RBFOX1: variants seen among roughly 807,000 people sequenced by gnomAD.
RBFOX1 encodes the protein RNA binding protein fox-1 homolog 1.
Under a neutral mutation model 57.7 loss-of-function variants are expected in RBFOX1, and 8 were observed. That is an observed-to-expected ratio of 0.14 (90% confidence interval 0.08 to 0.25). The LOEUF (loss-of-function observed/expected upper bound fraction) is 0.25, where lower values mean the gene tolerates loss of function less well. Ranked by LOEUF, RBFOX1 falls within the 10% of genes least tolerant of loss-of-function variation. The probability of loss-of-function intolerance (pLI) is 1.00; values close to 1 mark genes in which losing one functional copy is unlikely to be tolerated. For synonymous variants in RBFOX1, 326 were observed against 222.4 expected (o/e 1.47, Z -4.15); for missense variants, 611 against 548.5 (o/e 1.11, Z -1.14).
chr16:6,190,763 G>T (rs1211368605), intron 1 of RBFOX1, among the ~76,000 whole-genome samples: 1 of 152,098 alleles, frequency 6.6e-6, no homozygotes, highest in Non-Finnish European at 1.5e-5. Context: ...AGCAAAATAT[G>T]GTGCTCAGAA....
At chr16:6,279,074 G>A (rs891606497) in intron 1 of RBFOX1, among the ~76,000 whole-genome samples, 3 of 152,082 alleles carry the variant, frequency 2.0e-5, no homozygotes, top group Non-Finnish European at 2.9e-5. Flanking sequence ...CAGGTGGGGG[G>A]AAATTGATTT....
chr16:7,041,524 G>T (rs1028665327), intron 3 of RBFOX1, among the ~76,000 whole-genome samples: 1 of 152,204 alleles, frequency 6.6e-6, no homozygotes, highest in African/African-American at 2.4e-5. Flanking sequence ...CTCATTCGCC[G>T]TTGCACTCTG....
At chr16:7,555,812 A>G (rs1177247441) in intron 5 of RBFOX1, among the ~76,000 whole-genome samples, 1 of 152,124 alleles carries the variant, frequency 6.6e-6, no homozygotes, top group Non-Finnish European at 1.5e-5. Flanking sequence ...TGAAAATGTC[A>G]AGCCTACCTC....
chr16:6,076,541 C>T (rs908077566), intron 1 of RBFOX1, among the ~76,000 whole-genome samples: 1 of 152,070 alleles, frequency 6.6e-6, no homozygotes. Context: ...GATCATAGCT[C>T]ACTGCAGCCT....
At chr16:7,111,027 G>A (rs1307872291) in intron 4 of RBFOX1, among the ~76,000 whole-genome samples, 6 of 152,030 alleles carry the variant, frequency 3.9e-5, no homozygotes, top group African/African-American at 1.4e-4. Flanking sequence ...AGAAGGGCAT[G>A]GCACACACAC....
chr16:6,455,130 G>A (rs143130247), intron 2 of RBFOX1, among the ~76,000 whole-genome samples: 1,828 of 151,074 alleles, frequency 0.012, 41 homozygotes, highest in African/African-American at 0.043. Flanking sequence ...CCTGACCTCA[G>A]GATCCACCCG....
At chr16:7,456,938 C>T (rs530505318) in intron 4 of RBFOX1, among the ~76,000 whole-genome samples, 5 of 152,002 alleles carry the variant, frequency 3.3e-5, no homozygotes, top group East Asian at 1.9e-4. Flanking sequence ...GTTGCCCAGG[C>T]TGAGTGCAAT....
chr16:7,707,758 C>G (rs757213288), intron 14 of RBFOX1, among the ~76,000 whole-genome samples: 14 of 152,168 alleles, frequency 9.2e-5, no homozygotes, highest in Non-Finnish European at 1.8e-4. Context: ...CTAGGTGGAA[C>G]CTGCTGTAGC....
At chr16:5,917,728 G>A (rs1224709040) in intron 4 of RBFOX1, among the ~76,000 whole-genome samples, 1 of 152,168 alleles carries the variant, frequency 6.6e-6, no homozygotes, top group Non-Finnish European at 1.5e-5. Flanking sequence ...CCTCTCCCTT[G>A]CTTCACCACG....
Position 7,581,625 on chromosome 16 carries a change from T to C in RBFOX1, c.414+1705T>C, listed in dbSNP as rs147595797. Among the ~76,000 whole-genome samples, 352 of 152,268 alleles carry C rather than the reference T, an allele frequency of 2.3e-3. 2 individuals carry two copies. Among genetic ancestry groups the C allele is most frequent in the African/African-American group, 8.0e-3 (331 of 41,560 alleles). ...GAGAAGGGATCCTGAGTCTCTCTAG[T>C]CTTACAGAGGTAGGGTAGACGGCAA... On this transcript the variant is annotated intron_variant, in intron 6 of 15. Coordinates refer to ENST00000550418, the MANE Select transcript of RBFOX1 (RefSeq NM_018723.4).
At chr16:6,265,547 C>T (rs560903398) in intron 1 of RBFOX1, among the ~76,000 whole-genome samples, 103 of 152,328 alleles carry the variant, frequency 6.8e-4, no homozygotes, top group African/African-American at 2.3e-3. Flanking sequence ...CAGGTATGAG[C>T]CACTGTGCCC....
chr16:7,690,463 G>A (rs1354035269), intron 14 of RBFOX1, among the ~76,000 whole-genome samples: 1 of 152,096 alleles, frequency 6.6e-6, no homozygotes, highest in Non-Finnish European at 1.5e-5. Context: ...GGTTGAGAAC[G>A]ACTCAGCCAG....
chr16:6,874,509 TAAAAAAAAAAAAAAAA>T (rs57494867), intron 3 of RBFOX1, among the ~76,000 whole-genome samples: 3 of 71,104 alleles, frequency 4.2e-5, no homozygotes, highest in Admixed American at 2.0e-4. Context: ...AGACTCCATC[TAAAAAAAAAAAAAAAA>T]AAAAAAAAAA....
chr16:6,320,060 TTAA>T (rs2081582644), intron 2 of RBFOX1, among the ~76,000 whole-genome samples: 2 of 152,248 alleles, frequency 1.3e-5, no homozygotes, highest in South Asian at 4.1e-4. Context: ...AAGCATACTC[TTAA>T]TATAATTGGC....
intron 1 of RBFOX1, among the ~76,000 whole-genome samples, chr16:6,210,693 A>G (rs2097290643): frequency 6.6e-6 from 1 of 152,102 alleles, no homozygotes; most frequent in South Asian, 2.1e-4. Flanking sequence ...ACTGCACTCC[A>G]GTGCCTGGGT....
At chr16:6,981,258 T>A (rs1389262820) in intron 3 of RBFOX1, among the ~76,000 whole-genome samples, 1 of 151,914 alleles carries the variant, frequency 6.6e-6, no homozygotes, top group Non-Finnish European at 1.5e-5. Context: ...TTTGTGATTC[T>A]CCCCTCCTCC....
chr16:5,894,252 A>G lies in RBFOX1; in HGVS notation c.351+26917A>G, dbSNP rs1002060046. Among the ~76,000 whole-genome samples the G allele has an allele frequency of 9.2e-5, 14 of 152,210 alleles. No individual in the cohort carries two copies. In the East Asian group the frequency reaches 2.1e-3, roughly 23 times the overall value. ...TAAATTGAGGTGGACTCGTAGAATC[A>G]AACATAATTAAAACAATTCAAAACA... On this transcript the variant is annotated intron_variant, in intron 4 of 19. Coordinates refer to the RBFOX1 transcript ENST00000641259.
chr16:5,508,643 G>A (rs2043463200), intron 2 of RBFOX1, among the ~76,000 whole-genome samples: 2 of 151,894 alleles, frequency 1.3e-5, no homozygotes, highest in South Asian at 2.1e-4. Flanking sequence ...TGCACAGAGC[G>A]ATTGTACAGA....
chr16:7,384,014 G>T (rs766588886), intron 4 of RBFOX1, among the ~76,000 whole-genome samples: 1 of 149,280 alleles, frequency 6.7e-6, no homozygotes, highest in Non-Finnish European at 1.5e-5. Context: ...AGATCGTGCC[G>T]TTGCACCCCA....
Sources: allele counts gnomAD v4.1 joint callset (sites outside exome capture counted in the v4.1 genomes callset), GRCh38; gene constraint gnomAD v4.1.1; transcripts MANE v1.5; gene names NCBI Gene and HGNC (gene_info 2026-07-23, HGNC 2026-07-21).